Variants in CNBD1 observed in about 807,000 individuals in gnomAD.
The protein encoded by CNBD1 is cyclic nucleotide-binding domain-containing protein 1.
Under a neutral mutation model 54.4 loss-of-function variants are expected in CNBD1, and 71 were observed. The observed-to-expected ratio is 1.30, with a 90% CI of 1.08 to 1.59. CNBD1 has a LOEUF of 1.59. CNBD1 is among the 40% of genes most tolerant of loss of function. The probability of loss-of-function intolerance (pLI) is 0.00; values close to 1 mark genes in which losing one functional copy is unlikely to be tolerated. For synonymous variants in CNBD1, 182 were observed against 170.7 expected (o/e 1.07, Z -0.51); for missense variants, 659 against 518.0 (o/e 1.27, Z -2.64).
At chr8:86,891,388 A>G (rs1051943588) in intron 2 of CNBD1, among the ~76,000 whole-genome samples, 4 of 152,050 alleles carry the variant, frequency 2.6e-5, no homozygotes, top group Non-Finnish European at 4.4e-5. Flanking sequence ...GTCAAAAATC[A>G]ATTTATTATA....
At chr8:86,929,492 A>G (rs1809420672) in intron 3 of CNBD1, among the ~76,000 whole-genome samples, 1 of 152,140 alleles carries the variant, frequency 6.6e-6, no homozygotes. Context: ...ATGAACTTCC[A>G]TTGGTATATA....
chr8:87,204,287 G>T (rs1047033193), intron 4 of CNBD1, among the ~76,000 whole-genome samples: 1 of 152,118 alleles, frequency 6.6e-6, no homozygotes, highest in Non-Finnish European at 1.5e-5. Flanking sequence ...TTTTTAAGTT[G>T]TTTCTAATTT....
At chr8:87,361,886 C>T (rs1156993542) in intron 10 of CNBD1, among the ~76,000 whole-genome samples, 1 of 151,780 alleles carries the variant, frequency 6.6e-6, no homozygotes, top group Non-Finnish European at 1.5e-5. Context: ...TGAAAAAGAA[C>T]TTTCTTTAAA....
At chr8:87,393,192 T>A (rs1388609055) in intron 2 of CNBD1, among the ~76,000 whole-genome samples, 1 of 151,866 alleles carries the variant, frequency 6.6e-6, no homozygotes, top group East Asian at 1.9e-4. Context: ...ACCAAGTGGA[T>A]GTTCCAGTGA....
chr8:87,138,370 G>T (rs766778377), intron 4 of CNBD1, among the ~76,000 whole-genome samples: 1 of 152,310 alleles, frequency 6.6e-6, no homozygotes, highest in Non-Finnish European at 1.5e-5. Context: ...TCAGTGGGCA[G>T]TGGTGACCAT....
chr8:86,873,498 T>C (rs1808471443), intron 1 of CNBD1, among the ~76,000 whole-genome samples: 1 of 152,056 alleles, frequency 6.6e-6, no homozygotes, highest in Non-Finnish European at 1.5e-5. Context: ...TTTACAATGC[T>C]CAGTCTTCCT....
chr8:87,213,532 A>G (rs772841898), intron 5 of CNBD1, among the ~76,000 whole-genome samples: 20 of 152,192 alleles, frequency 1.3e-4, no homozygotes, highest in East Asian at 3.9e-4. Flanking sequence ...TTATGAAACC[A>G]TCAGATCTCA....
At chr8:87,297,705 GT>G (rs200674021) in intron 8 of CNBD1, among the ~76,000 whole-genome samples, 42,065 of 150,918 alleles carry the variant, frequency 0.28, 6,479 homozygotes, top group Middle Eastern at 0.4. Flanking sequence ...AATGTGGGGT[GT>G]GTGTGTGTGT....
intron 4 of CNBD1, among the ~76,000 whole-genome samples, chr8:87,073,625 C>T (rs1032061435): frequency 4.6e-5 from 7 of 152,086 alleles, no homozygotes; most frequent in African/African-American, 1.7e-4. Context: ...TTCTCATACC[C>T]GGATGTATCA....
At chr8:87,403,890 T>G (rs866668048) in intron 2 of CNBD1, among the ~76,000 whole-genome samples, 1 of 152,042 alleles carries the variant, frequency 6.6e-6, no homozygotes, top group African/African-American at 2.4e-5. Context: ...AGACCCAATC[T>G]ATGAAAGCCA....
chr8:86,897,702 CG>C (rs1390319718), intron 2 of CNBD1, among the ~76,000 whole-genome samples: 2 of 152,248 alleles, frequency 1.3e-5, no homozygotes, highest in African/African-American at 4.8e-5. Context: ...CTACTACCTG[CG>C]CCTTCTATTG....
chr8:87,346,990 C>A (rs1002913192), intron 8 of CNBD1, among the ~76,000 whole-genome samples: 1 of 152,104 alleles, frequency 6.6e-6, no homozygotes, highest in Non-Finnish European at 1.5e-5. Flanking sequence ...AGGAAAATAT[C>A]TCCAGGAGCT....
intron 4 of CNBD1, among the ~76,000 whole-genome samples, chr8:86,999,674 A>G (rs1808953205): frequency 6.6e-6 from 1 of 152,196 alleles, no homozygotes; most frequent in African/African-American, 2.4e-5. Flanking sequence ...AGCAGACACT[A>G]ATCCCTTATT....
chr8:87,111,911 A>G (rs1439339116), intron 4 of CNBD1, among the ~76,000 whole-genome samples: 2 of 152,110 alleles, frequency 1.3e-5, no homozygotes, highest in Non-Finnish European at 2.9e-5. Flanking sequence ...TATCTCCATT[A>G]CTACCAGGGA....
At chr8:87,106,591 T>C (rs144304973) in intron 4 of CNBD1, among the ~76,000 whole-genome samples, 1 of 152,332 alleles carries the variant, frequency 6.6e-6, no homozygotes, top group Non-Finnish European at 1.5e-5. Context: ...TCTAGAGCCA[T>C]CTTGAACTTT....
intron 10 of CNBD1, among the ~76,000 whole-genome samples, chr8:87,377,312 C>T (rs1349566234): frequency 6.7e-6 from 1 of 149,392 alleles, no homozygotes; most frequent in East Asian, 2.0e-4. Flanking sequence ...CTCCCCACAC[C>T]CCACAACAGT....
chr8:86,965,924 G>T (rs1041325328), intron 4 of CNBD1, among the ~76,000 whole-genome samples: 1 of 152,074 alleles, frequency 6.6e-6, no homozygotes, highest in Admixed American at 6.6e-5. Flanking sequence ...TCATCCCATT[G>T]TCTCCAGCTA....
intron 8 of CNBD1, among the ~76,000 whole-genome samples, chr8:87,328,568 GA>G (rs1809743588): frequency 6.6e-6 from 1 of 151,740 alleles, no homozygotes; most frequent in African/African-American, 2.4e-5. Context: ...TTTTTATCAA[GA>G]TTGTTTTGAC....
At chr8:87,020,621 A>T (rs543241036) in intron 4 of CNBD1, among the ~76,000 whole-genome samples, 67 of 152,294 alleles carry the variant, frequency 4.4e-4, no homozygotes, top group Non-Finnish European at 6.9e-4. Context: ...TTAACCCTAT[A>T]TATTGTGACT....
Sources: allele counts gnomAD v4.1 joint callset (sites outside exome capture counted in the v4.1 genomes callset), GRCh38; gene constraint gnomAD v4.1.1; transcripts MANE v1.5; gene names NCBI Gene and HGNC (gene_info 2026-07-23, HGNC 2026-07-21).